The following KNDC1 variants were observed in gnomAD, a reference collection of about 807,000 sequenced individuals.
KNDC1 encodes the protein kinase non-catalytic C-lobe domain containing 1, also known as kinase non-catalytic C-lobe domain-containing protein 1.
KNDC1 carries 106 observed loss-of-function variants against 172.8 expected under a neutral mutation model. The ratio of observed to expected loss-of-function variants is 0.61; its 90% CI spans 0.52 to 0.72. KNDC1 has a LOEUF of 0.72. Among genes scored for constraint, KNDC1 ranks in the 30% least tolerant of loss-of-function variants. KNDC1 has a pLI of 0.00. For synonymous variants in KNDC1, 1,083 were observed against 1,062.2 expected (o/e 1.02, Z -0.38); for missense variants, 2,325 against 2,394.5 (o/e 0.97, Z 0.61).
rs955730357 is a variant in KNDC1 at position 133,183,875 on chromosome 10, A to G, written c.511A>G (p.Ile171Val). 3 of 1,576,546 alleles carry G rather than the reference A, an allele frequency of 1.9e-6. No homozygotes were observed. In the African/African-American group the frequency reaches 4.0e-5, roughly 21 times the overall value. Residue 171 changes from isoleucine (I) to valine (V), a missense_variant, in exon 5 of 30, where the codon ATC (isoleucine) becomes GTC (valine). Physicochemically the swap from Ile to Val is conservative, Grantham distance 29 (BLOSUM62 3). Transcript: ENST00000304613. ...DPGDRPDLESIIALCEEKLQL... is the reference protein window; with the variant it reads ...DPGDRPDLESVIALCEEKLQL... ...TCTGAGGTGTTCCCGTCCCCAGAGCATCATCGCGCTGTGTGAAGAGAAGCT... is the reference window on the plus strand; with the variant it reads ...TCTGAGGTGTTCCCGTCCCCAGAGCGTCATCGCGCTGTGTGAAGAGAAGCT...
At chr10:133,197,654 G>A in intron 11 of KNDC1, 21 bp from the exon 12 acceptor site, 24 of 1,596,976 alleles carry the variant, frequency 1.5e-5, no homozygotes, top group Non-Finnish European at 2.1e-5. Flanking sequence ...ACCTGGCCCA[G>A]GGCTGTCACC....
intron 3 of KNDC1, among the ~76,000 whole-genome samples, chr10:133,174,741 G>A (rs1853478376): frequency 6.6e-6 from 1 of 151,884 alleles, no homozygotes; most frequent in Non-Finnish European, 1.5e-5. Context: ...GGATGGATGG[G>A]TGGATGGATG....
rs1353465635 is a variant in KNDC1 at position 133,186,203 on chromosome 10, C to T, written c.855C>T (p.Ala285=). 10 of 1,571,396 alleles carry T rather than the reference C, an allele frequency of 6.4e-6. No homozygotes were observed. Among genetic ancestry groups the T allele is most frequent in the Admixed American group, 1.8e-5 (1 of 54,958 alleles). ...REGLAGLVLD[A]ERTLGELDRD... is the part of the protein sequence containing the mutation. Reference sequence around the variant, plus strand: ...GGCTGGCCGGCCTCGTCCTGGATGCCGAGCGCACCCTCGGGGAGCTGGACA... The same window carrying T: ...GGCTGGCCGGCCTCGTCCTGGATGCTGAGCGCACCCTCGGGGAGCTGGACA... The change falls in exon 6 of 30, where the codon GCC becomes GCT. Residue 285 remains alanine (A), a synonymous_variant. Transcript: ENST00000304613.
rs752900351 is a variant in KNDC1, at chr10:133,168,232, CCTT to C, written c.302-19_302-17del. Reference sequence around the variant, plus strand: ...GCAGGTGTGACCAGAAGCCTTCTCTCCTTCTCTCTCTCCTCCCCAAGACGACCC... The same window carrying C: ...GCAGGTGTGACCAGAAGCCTTCTCTCCTCTCTCTCCTCCCCAAGACGACCC... On this transcript the variant is annotated intron_variant, in intron 2 of 29. Coordinates refer to ENST00000304613, the MANE Select transcript of KNDC1 (RefSeq NM_152643.8). 76 of 1,611,204 alleles carry C rather than the reference CCTT, an allele frequency of 4.7e-5. 1 individual carries two copies. The highest frequency in any genetic ancestry group is 3.2e-4 in the African/African-American group (24 of 74,878).
chr10:133,221,566 G>A (rs921604717), intron 29 of KNDC1, among the ~76,000 whole-genome samples: 1 of 152,150 alleles, frequency 6.6e-6, no homozygotes, highest in Non-Finnish European at 1.5e-5. Context: ...GTCAGGTGGA[G>A]GCTGCCCAGG....
At position 133,177,936 on chromosome 10, in the gene KNDC1, G is replaced by C. The variant is rs527827279; in HGVS notation, c.361-5408G>C. Reference sequence around the variant, plus strand: ...TGTGTGCAAGCATGTAGTGTGTTATGTCACGGACACGTGTAGCATGATGTA... The same window carrying C: ...TGTGTGCAAGCATGTAGTGTGTTATCTCACGGACACGTGTAGCATGATGTA... On this transcript the variant is annotated intron_variant, in intron 3 of 29. Transcript: ENST00000304613. Among the ~76,000 whole-genome samples the C allele has an allele frequency of 4.1e-5, 6 of 145,506 alleles. No individual in the cohort carries two copies. The South Asian group carries it at 1.3e-3, about 32-fold the overall frequency.
Position 133,207,117 on chromosome 10 carries a change from C to T in KNDC1, c.3580-20C>T. The T allele has an allele frequency of 6.4e-7, 1 of 1,568,270 alleles. No homozygotes were observed. The highest frequency in any genetic ancestry group is 8.6e-7 in the Non-Finnish European group (1 of 1,157,214). ...GGGCGAGGGGCAGAGTGACCAAGCG[C>T]CCGTGTCCCGCTCCGGCAGGTCATG... On this transcript the variant is annotated intron_variant, in intron 19 of 29. Coordinates refer to ENST00000304613, the MANE Select transcript of KNDC1 (RefSeq NM_152643.8).
At chr10:133,199,777 T>C (rs1195111530) in intron 15 of KNDC1, among the ~76,000 whole-genome samples, 175 bp downstream of exon 15, 2 of 152,086 alleles carry the variant, frequency 1.3e-5, no homozygotes, top group Admixed American at 6.5e-5. Flanking sequence ...CAGCCCCTCC[T>C]TGGGCCTGAC....
At chr10:133,173,467 T>C (rs981877245) in intron 3 of KNDC1, among the ~76,000 whole-genome samples, 2 of 148,680 alleles carry the variant, frequency 1.3e-5, no homozygotes, top group African/African-American at 5.0e-5. Flanking sequence ...TGCCACATAA[T>C]GTTTGCATGA....
chr10:133,198,950 C>T lies in KNDC1; in HGVS notation c.2442C>T (p.Asp814=), dbSNP rs757982862. ...TTGCTTCCGGGGGCCTCAGGCCCGA[C>T]GCCCTGGGGCCCACCACGGCCCACC... ...PGVASGGLRP[D]ALGPTTAHHG... is the part of the protein sequence containing the mutation. The change falls in exon 14 of 30, where the codon GAC becomes GAT. Residue 814 remains aspartate, a synonymous_variant. Coordinates refer to ENST00000304613, the MANE Select transcript of KNDC1 (RefSeq NM_152643.8). 22 of 1,546,408 alleles carry T rather than the reference C, an allele frequency of 1.4e-5. No individual in the cohort carries two copies. Among genetic ancestry groups the T allele is most frequent in the Middle Eastern group, 1.7e-4 (1 of 5,816 alleles).
chr10:133,207,170 T>C lies in KNDC1; in HGVS notation c.3613T>C (p.Cys1205Arg), dbSNP rs748024809. Residue 1205 changes from cysteine to arginine, a missense_variant, in exon 20 of 30, where the codon TGC (cysteine) becomes CGC (arginine). Coordinates refer to ENST00000304613, the MANE Select transcript of KNDC1 (RefSeq NM_152643.8). ...CGCGGAACGCTGGGGCCTGGAGCCCTGCACCCTCCCAGTGATCGTGAACAT... is the reference window on the plus strand; with the variant it reads ...CGCGGAACGCTGGGGCCTGGAGCCCCGCACCCTCCCAGTGATCGTGAACAT... ...MYAERWGLEP[C>R]TLPVIVNIAA... 5 of 1,605,664 alleles carry C rather than the reference T, an allele frequency of 3.1e-6. No individual in the cohort carries two copies. The highest frequency in any genetic ancestry group is 3.4e-6 in the Non-Finnish European group (4 of 1,177,312).
In KNDC1 at chr10:133,222,097, C is replaced by A. The variant is rs1418328643; in HGVS notation, c.5018+1985C>A. On this transcript the variant is annotated intron_variant, in intron 29 of 29. Transcript: ENST00000304613. ...AGGAGTTCAAGACCAGCCTGGCCAA[C>A]ATGGTGAAACCCCATCTCTACTAAA... 1.3e-5 allele frequency among the ~76,000 whole-genome samples: 2 copies of A among 150,168 alleles called. 1 individual carries two copies. The highest frequency in any genetic ancestry group is 3.0e-5 in the Non-Finnish European group (2 of 67,264).
chr10:133,212,285 A>G (rs1234806018), intron 23 of KNDC1, among the ~76,000 whole-genome samples: 1 of 148,342 alleles, frequency 6.7e-6, no homozygotes, highest in Non-Finnish European at 1.5e-5. Context: ...ACGCATCCAC[A>G]CACACACGCA....
At chr10:133,183,313 C>T (rs1853779717) in intron 3 of KNDC1, 31 bp from the exon 4 acceptor site, 2 of 1,569,812 alleles carry the variant, frequency 1.3e-6, no homozygotes, top group Non-Finnish European at 1.7e-6. Flanking sequence ...CACGCAGAGA[C>T]TCTGGAGCTG....
intron 3 of KNDC1, among the ~76,000 whole-genome samples, chr10:133,173,291 TTC>T (rs1476164844): frequency 6.6e-6 from 1 of 152,250 alleles, no homozygotes; most frequent in African/African-American, 2.4e-5. Flanking sequence ...TTGTTTCTCA[TTC>T]TCTCTTTTCC....
At chr10:133,215,993 C>T (rs1344425144) in intron 26 of KNDC1, among the ~76,000 whole-genome samples, 3 of 152,250 alleles carry the variant, frequency 2.0e-5, no homozygotes, top group African/African-American at 4.8e-5. Flanking sequence ...TCTAAAAGCA[C>T]CACGCTCGTC....
intron 1 of KNDC1, among the ~76,000 whole-genome samples, chr10:133,165,445 G>A (rs1853119375): frequency 6.6e-6 from 1 of 152,130 alleles, no homozygotes; most frequent in Non-Finnish European, 1.5e-5. Context: ...CGCCTGACCT[G>A]TGAGTGACAG....
chr10:133,215,244 GT>G (rs1845448905), intron 26 of KNDC1, among the ~76,000 whole-genome samples: 3 of 152,218 alleles, frequency 2.0e-5, no homozygotes. Context: ...CTGTCCCAGA[GT>G]GGGCTGAAGG....
chr10:133,186,733 G>C, intron 6 of KNDC1, 59 bp downstream of exon 6: 2 of 1,254,892 alleles, frequency 1.6e-6, no homozygotes, highest in Non-Finnish European at 2.2e-6. Context: ...GTCCGGGGCC[G>C]GGCCTCTCCA....
Sources: gnomAD v4.1 joint callset for allele counts (sites outside exome capture counted in the v4.1 genomes callset) on GRCh38, gnomAD v4.1.1 for gene constraint, MANE v1.5 for transcripts, NCBI Gene and HGNC (gene_info 2026-07-23, HGNC 2026-07-21) for gene names.